RGS9: variants seen among roughly 807,000 people sequenced by gnomAD.
RGS9 encodes regulator of G-protein signalling 9.
RGS9 carries 78 observed loss-of-function variants against 102.0 expected under a neutral mutation model. The observed-to-expected ratio is 0.76, with a 90% CI of 0.64 to 0.92. The LOEUF (loss-of-function observed/expected upper bound fraction) is 0.92. Ranked by LOEUF, RGS9 falls within the 40% of genes least tolerant of loss-of-function variation. The probability of loss-of-function intolerance (pLI) is 0.00; values close to 1 mark genes in which losing one functional copy is unlikely to be tolerated. For missense variants in RGS9, 833 were observed against 866.1 expected, an observed-to-expected ratio of 0.96 and a Z score of 0.48; for synonymous variants, 353 against 318.6, an observed-to-expected ratio of 1.11 and a Z score of -1.15.
intron 8 of RGS9, among the ~76,000 whole-genome samples, chr17:65,176,548 C>A (rs146950844): frequency 6.6e-6 from 1 of 152,194 alleles, no homozygotes; most frequent in Non-Finnish European, 1.5e-5. Flanking sequence ...TGCTCTGTCA[C>A]TTCACTTTTC....
intron 17 of RGS9, among the ~76,000 whole-genome samples, chr17:65,215,497 G>GTTCT (rs779043184): frequency 0.16 from 21,362 of 133,104 alleles, 2,067 homozygotes; most frequent in Non-Finnish European, 0.21. Flanking sequence ...TCGTTCTTTC[G>GTTCT]TTCTTTCTTT....
chr17:65,226,044 C>A (rs747600234), intron 18 of RGS9, among the ~76,000 whole-genome samples: 1 of 152,204 alleles, frequency 6.6e-6, no homozygotes, highest in African/African-American at 2.4e-5. Flanking sequence ...AAGTGCGTAG[C>A]CTTTGCCTGA....
intron 7 of RGS9, among the ~76,000 whole-genome samples, chr17:65,166,573 C>G (rs779991393): frequency 6.6e-6 from 1 of 152,182 alleles, no homozygotes; most frequent in Non-Finnish European, 1.5e-5. Context: ...AATGCTGTTG[C>G]TGAAAAAATC....
Position 65,158,285 on chromosome 17 carries a change from T to C in RGS9, c.155-10T>C. 1 of 1,614,094 alleles carries C rather than the reference T, an allele frequency of 6.2e-7. No individual in the cohort carries two copies. The highest frequency in any genetic ancestry group is 8.5e-7 in the Non-Finnish European group (1 of 1,179,986). ...TATGACAATAACCGCAAATGTCTCT[T>C]GTTTTTCAGGAAGTGATGTTCTGCA... On this transcript the variant is annotated splice_polypyrimidine_tract_variant and intron_variant, in intron 2 of 18. Coordinates refer to ENST00000262406, the MANE Select transcript of RGS9 (RefSeq NM_003835.4).
chr17:65,158,238 G>A, intron 2 of RGS9, 57 bp from the exon 3 acceptor site: 1 of 1,514,144 alleles, frequency 6.6e-7, no homozygotes, highest in Non-Finnish European at 9.2e-7. Context: ...CAGCGTGGAG[G>A]AGCGGGGATG....
At position 65,163,006 on chromosome 17, in the gene RGS9, T is replaced by C; in HGVS notation, c.424-7T>C. ...CTTTCTGTTCTCATTTTGTTTTTCT[T>C]CTTTAGGAAAATTACAATTTCTTGA... On this transcript the variant is annotated splice_region_variant and splice_polypyrimidine_tract_variant and intron_variant, in intron 6 of 18. Coordinates refer to ENST00000262406, the MANE Select transcript of RGS9 (RefSeq NM_003835.4). 6.7e-7 allele frequency: 1 copy of C among 1,502,176 alleles called. No homozygotes were observed. The highest frequency in any genetic ancestry group is 1.4e-5 in the African/African-American group (1 of 72,412). 93.1% of individuals were successfully genotyped at this position (1,502,176 alleles called of 1,614,324 possible).
chr17:65,183,388 G>A (rs1176549572), intron 9 of RGS9, among the ~76,000 whole-genome samples: 1 of 152,196 alleles, frequency 6.6e-6, no homozygotes, highest in Non-Finnish European at 1.5e-5. Context: ...CTCTCAAAGT[G>A]CTAGGATTAC....
intron 6 of RGS9, among the ~76,000 whole-genome samples, chr17:65,162,000 G>A (rs1189824936): frequency 5.9e-5 from 9 of 151,718 alleles, no homozygotes; most frequent in Non-Finnish European, 1.2e-4. Context: ...GCTAGGCCAC[G>A]TGTTTTTATT....
intron 9 of RGS9, among the ~76,000 whole-genome samples, chr17:65,179,453 C>T (rs762129676): frequency 6.6e-6 from 1 of 151,918 alleles, no homozygotes; most frequent in African/African-American, 2.4e-5. Context: ...ACAGAATCCT[C>T]GAGTAAAAGA....
At chr17:65,199,986 A>G (rs534446683) in intron 13 of RGS9, among the ~76,000 whole-genome samples, 1 of 152,218 alleles carries the variant, frequency 6.6e-6, no homozygotes, top group South Asian at 2.1e-4. Flanking sequence ...TTGTGTGCTC[A>G]TTTAATATTT....
chr17:65,170,254 C>T (rs1361716540), intron 8 of RGS9, among the ~76,000 whole-genome samples: 1 of 152,032 alleles, frequency 6.6e-6, no homozygotes, highest in Non-Finnish European at 1.5e-5. Context: ...GGGGTTTCAC[C>T]ATGTTGGTCA....
intron 11 of RGS9, among the ~76,000 whole-genome samples, chr17:65,192,011 C>T (rs1478177894): frequency 6.6e-6 from 1 of 152,162 alleles, no homozygotes; most frequent in Non-Finnish European, 1.5e-5. Context: ...ACCCAGACAG[C>T]AGGAAATGCA....
intron 17 of RGS9, among the ~76,000 whole-genome samples, chr17:65,219,907 TCAC>T (rs1235090631): frequency 6.7e-6 from 1 of 150,116 alleles, no homozygotes; most frequent in Non-Finnish European, 1.5e-5. Flanking sequence ...ACTATCATCA[TCAC>T]CATCACCACC....
At chr17:65,182,752 C>T (rs1323536887) in intron 9 of RGS9, among the ~76,000 whole-genome samples, 1 of 152,228 alleles carries the variant, frequency 6.6e-6, no homozygotes, top group African/African-American at 2.4e-5. Context: ...CTGCTCCCCT[C>T]TCCACCCCAC....
chr17:65,148,435 G>A (rs181274392), intron 1 of RGS9, among the ~76,000 whole-genome samples: 156 of 152,326 alleles, frequency 1.0e-3, no homozygotes, highest in Admixed American at 3.5e-3. Flanking sequence ...ATACCCAGAA[G>A]TGGTATTGTT....
rs1598618986 is a variant in RGS9, at chr17:65,210,766, G to C, written c.1407+161G>C. On this transcript the variant is annotated intron_variant, in intron 17 of 18. Coordinates refer to ENST00000262406, the MANE Select transcript of RGS9 (RefSeq NM_003835.4). ...CATTCCCCATTTGTGGAGGTCATCA[G>C]GTTCATCCCATACTCCTCTAACTTT... The C allele has an allele frequency of 1.1e-5, 14 of 1,232,358 alleles. No individual in the cohort carries two copies. The Middle Eastern group carries it at 1.3e-3, about 119-fold the overall frequency. 76.3% of individuals were successfully genotyped at this position (1,232,358 alleles called of 1,614,324 possible). A position where few individuals can be genotyped will look rare whatever the true frequency, so the allele number is the denominator to read the frequency against.
intron 1 of RGS9, among the ~76,000 whole-genome samples, chr17:65,152,437 A>T (rs1910614100): frequency 1.3e-5 from 2 of 152,240 alleles, no homozygotes; most frequent in African/African-American, 4.8e-5. Context: ...AGCCACGCAG[A>T]AGAGTGACAT....
At chr17:65,169,352 A>G (rs1911318851) in intron 8 of RGS9, among the ~76,000 whole-genome samples, 2 of 152,162 alleles carry the variant, frequency 1.3e-5, no homozygotes, top group Non-Finnish European at 2.9e-5. Flanking sequence ...CCTCTAGGGA[A>G]ACCAGTTTAC....
At chr17:65,203,039 C>CTTTG (rs1479303986) in intron 14 of RGS9, among the ~76,000 whole-genome samples, 1 of 152,264 alleles carries the variant, frequency 6.6e-6, no homozygotes, top group African/African-American at 2.4e-5. Flanking sequence ...TGGTGCTGAA[C>CTTTG]TTTGGGCAGC....
Sources: gnomAD v4.1 joint callset for allele counts (sites outside exome capture counted in the v4.1 genomes callset) on GRCh38, gnomAD v4.1.1 for gene constraint, MANE v1.5 for transcripts, NCBI Gene and HGNC (gene_info 2026-07-23, HGNC 2026-07-21) for gene names.